Variants in EDEM3 observed in about 807,000 individuals in gnomAD.
EDEM3 encodes the protein ER degradation enhancing alpha-mannosidase like protein 3.
In EDEM3, 60 loss-of-function variants were observed where a neutral mutation model predicts 110.2. The observed-to-expected ratio is 0.54, with a 90% CI of 0.44 to 0.67. EDEM3 has a LOEUF of 0.67. Ranked by LOEUF, EDEM3 falls within the 30% of genes least tolerant of loss-of-function variation. EDEM3 has a pLI of 0.00. For missense variants in EDEM3, 996 were observed against 1,121.0 expected (o/e 0.89, Z 1.59); for synonymous variants, 352 against 382.9 (o/e 0.92, Z 0.94).
rs1210448586 is a variant in EDEM3 at position 184,719,430 on chromosome 1, G to C, written c.1077+13C>G. The C allele has an allele frequency of 6.2e-6, 10 of 1,605,798 alleles. No homozygotes were observed. The highest frequency in any genetic ancestry group is 3.5e-5 in the Admixed American group (2 of 57,526). ...ATCTTACATTCATATTAAGAAGACA[G>C]AATTCTTTATACCTGCAAGCCTGGG... On this transcript the variant is annotated intron_variant, in intron 10 of 19. Coordinates refer to ENST00000318130, the MANE Select transcript of EDEM3 (RefSeq NM_025191.4).
At chr1:184,703,991 G>C (rs1649772843) in intron 18 of EDEM3, among the ~76,000 whole-genome samples, 1 of 152,102 alleles carries the variant, frequency 6.6e-6, no homozygotes, top group Non-Finnish European at 1.5e-5. Context: ...AGAGAAGCAG[G>C]GAAGAAAAGT....
Position 184,734,648 on chromosome 1 carries a change from G to T in EDEM3, c.346-5C>A. On this transcript the variant is annotated splice_region_variant and splice_polypyrimidine_tract_variant and intron_variant, in intron 4 of 19. Coordinates refer to ENST00000318130, the MANE Select transcript of EDEM3 (RefSeq NM_025191.4). Reference sequence around the variant, plus strand: ...TTCTTTAGTTTTATTTAAAACCTGGGAGAAGAAAATTATGAAATAAAGTTC... The same window carrying T: ...TTCTTTAGTTTTATTTAAAACCTGGTAGAAGAAAATTATGAAATAAAGTTC... 1 of 1,239,854 alleles carries T rather than the reference G, an allele frequency of 8.1e-7. No individual in the cohort carries two copies. The highest frequency in any genetic ancestry group is 1.5e-5 in the South Asian group (1 of 68,384). The allele number at this position is 1,239,854 out of a possible 1,614,324, so 76.8% of individuals were successfully genotyped here.
chr1:184,693,932 G>A lies in EDEM3; in HGVS notation c.*131C>T. 1 of 898,770 alleles carries A rather than the reference G, an allele frequency of 1.1e-6. No individual in the cohort carries two copies. Among genetic ancestry groups the A allele is most frequent in the Non-Finnish European group, 1.7e-6 (1 of 600,352 alleles). The allele number at this position is 898,770 out of a possible 1,614,324, so 55.7% of individuals were successfully genotyped here. ...CCAGATTCCTACGATAACTACGCCA[G>A]TCAGAACGTGGTTGTTCATCACCAT... On this transcript the variant is annotated 3_prime_UTR_variant, in exon 20 of 20. Transcript: ENST00000318130.
At chr1:184,697,635 T>C (rs1428972459) in intron 19 of EDEM3, among the ~76,000 whole-genome samples, 4 of 151,836 alleles carry the variant, frequency 2.6e-5, no homozygotes. Flanking sequence ...AAATGGTATT[T>C]AGTAACTGAC....
chr1:184,749,596 A>AT lies in EDEM3; in HGVS notation c.159-5dup. 6.5e-7 allele frequency: 1 copy of AT among 1,531,898 alleles called. No individual in the cohort carries two copies. 94.9% of individuals were successfully genotyped at this position (1,531,898 alleles called of 1,614,324 possible). A position where few individuals can be genotyped will look rare whatever the true frequency, so the allele number is the denominator to read the frequency against. ...AAACATTTCCAGTACTTGATTCCTA[A>AT]TTTTAAAAGAGCAGAAATGGAAAAA... On this transcript the variant is annotated splice_region_variant and splice_polypyrimidine_tract_variant and intron_variant, in intron 1 of 19. Transcript: ENST00000318130.
chr1:184,708,777 C>T (rs1650070321), intron 16 of EDEM3, among the ~76,000 whole-genome samples: 1 of 152,184 alleles, frequency 6.6e-6, no homozygotes, highest in South Asian at 2.1e-4. Flanking sequence ...TCAGCACTTG[C>T]CTAGGCATTG....
intron 19 of EDEM3, among the ~76,000 whole-genome samples, chr1:184,695,853 C>T (rs1045419488): frequency 3.4e-4 from 51 of 151,866 alleles, no homozygotes; most frequent in African/African-American, 1.2e-3. Context: ...TGTAGACATG[C>T]AGGAAGGTGT....
Position 184,693,484 on chromosome 1 carries a change from T to C in EDEM3, c.*579A>G, listed in dbSNP as rs558446169. The C allele has an allele frequency of 6.5e-6, 1 of 152,702 alleles. No individual in the cohort carries two copies. Among genetic ancestry groups the C allele is most frequent in the South Asian group, 2.1e-4 (1 of 4,830 alleles). 9.5% of individuals were successfully genotyped at this position (152,702 alleles called of 1,614,324 possible). On this transcript the variant is annotated 3_prime_UTR_variant, in exon 20 of 20. Coordinates refer to ENST00000318130, the MANE Select transcript of EDEM3 (RefSeq NM_025191.4). ...TTAAGAAGGAAAAAAAATCAAGTCA[T>C]CTTGATCATTTGTCACTAAATGAAA...
At chr1:184,715,418 T>C (rs1476475969) in intron 13 of EDEM3, among the ~76,000 whole-genome samples, 2 of 152,200 alleles carry the variant, frequency 1.3e-5, no homozygotes, top group Non-Finnish European at 2.9e-5. Context: ...TTTACACACC[T>C]ATCTTATTCA....
chr1:184,705,342 AG>A (rs1263594984), intron 18 of EDEM3, among the ~76,000 whole-genome samples: 1 of 152,218 alleles, frequency 6.6e-6, no homozygotes, highest in Non-Finnish European at 1.5e-5. Context: ...GATTTAAGTC[AG>A]GGGTCGGCAA....
At chr1:184,699,665 C>T (rs1238979038) in intron 19 of EDEM3, among the ~76,000 whole-genome samples, 1 of 151,786 alleles carries the variant, frequency 6.6e-6, no homozygotes, top group Non-Finnish European at 1.5e-5. Flanking sequence ...GAAAAGTGAC[C>T]CTGCCTGACT....
rs569285356 is a variant in EDEM3, at chr1:184,700,787, T to C, written c.2389+2024A>G. 1.5e-4 allele frequency among the ~76,000 whole-genome samples: 23 copies of C among 152,108 alleles called. No individual in the cohort carries two copies. The South Asian group carries it at 3.1e-3, about 21-fold the overall frequency. ...TTAGGATATCCTAAGTGAATACATT[T>C]GTTGATTTCATAACACTATTACCAT... On this transcript the variant is annotated intron_variant, in intron 19 of 19. Transcript: ENST00000318130.
rs144928300 is a variant in EDEM3, at chr1:184,733,198, T to G, written c.459-208A>C. Among the ~76,000 whole-genome samples the G allele has an allele frequency of 2.9e-3, 435 of 152,324 alleles. 5 individuals carry two copies. The East Asian group carries it at 0.036, about 12-fold the overall frequency. ...ATTTTTTAAAAAATTAGATATTCTA[T>G]CCTGTTGTGAAGTGTTCTGCGTTCT... is the stretch of plus-strand genomic sequence containing the variant. On this transcript the variant is annotated intron_variant, in intron 5 of 19. Coordinates refer to ENST00000318130, the MANE Select transcript of EDEM3 (RefSeq NM_025191.4).
chr1:184,719,676 T>C (rs1650773051), intron 9 of EDEM3, 108 bp from the exon 10 acceptor site: 3 of 1,095,468 alleles, frequency 2.7e-6, no homozygotes, highest in Non-Finnish European at 3.7e-6. Context: ...TATATATAAA[T>C]TCACTAAATA....
intron 2 of EDEM3, among the ~76,000 whole-genome samples, chr1:184,748,013 G>C (rs2102135838): frequency 6.6e-6 from 1 of 152,290 alleles, no homozygotes; most frequent in Admixed American, 6.5e-5. Context: ...TAAGGTCTGA[G>C]GGTATAGGAT....
At chr1:184,723,048 T>C (rs1202183489) in intron 8 of EDEM3, among the ~76,000 whole-genome samples, 4 of 152,040 alleles carry the variant, frequency 2.6e-5, no homozygotes, top group African/African-American at 9.6e-5. Context: ...TTTTCTGCTA[T>C]TTATAAATAA....
Position 184,710,481 on chromosome 1 carries a change from A to G in EDEM3, c.1758T>C (p.Pro586=). 1 of 1,613,974 alleles carries G rather than the reference A, an allele frequency of 6.2e-7. No homozygotes were observed. The highest frequency in any genetic ancestry group is 8.5e-7 in the Non-Finnish European group (1 of 1,179,890). The change falls in exon 16 of 20, where the codon CCT becomes CCC. Residue 586 remains proline (P), a synonymous_variant. Transcript: ENST00000318130. Reference sequence around the variant, plus strand: ...TCTTCTTCAGGATTTCTAAATGCTCAGGGTTAGTGGCCATGAAATCTCTGG... The same window carrying G: ...TCTTCTTCAGGATTTCTAAATGCTCGGGGTTAGTGGCCATGAAATCTCTGG... ...LRARDFMATN[P]EHLEILKKMG... is the part of the protein sequence containing the mutation.
At chr1:184,750,969 G>A (rs1476869515) in intron 1 of EDEM3, among the ~76,000 whole-genome samples, 1 of 151,940 alleles carries the variant, frequency 6.6e-6, no homozygotes, top group East Asian at 1.9e-4. Context: ...GGTAATAATA[G>A]AGCTAGCAAA....
At chr1:184,749,350 A>C (rs886137845) in intron 2 of EDEM3, among the ~76,000 whole-genome samples, 197 bp downstream of exon 2, 2 of 152,150 alleles carry the variant, frequency 1.3e-5, no homozygotes, top group Non-Finnish European at 2.9e-5. Context: ...TTCATAATCT[A>C]ATTTCAATTT....
Sources: allele counts gnomAD v4.1 joint callset (sites outside exome capture counted in the v4.1 genomes callset), GRCh38; gene constraint gnomAD v4.1.1; transcripts MANE v1.5; gene names NCBI Gene and HGNC (gene_info 2026-07-23, HGNC 2026-07-21).